The following TASP1 variants were observed in gnomAD, a reference collection of about 807,000 sequenced individuals.
TASP1 encodes the protein taspase 1.
In TASP1, 16 loss-of-function variants were observed where a neutral mutation model predicts 56.6. The observed-to-expected ratio is 0.28, with a 90% CI of 0.19 to 0.43. TASP1 has a LOEUF of 0.43. Among genes scored for constraint, TASP1 ranks in the 20% least tolerant of loss-of-function variants. TASP1 has a pLI of 1.00. For missense variants in TASP1, 393 were observed against 511.6 expected, an observed-to-expected ratio of 0.77 and a Z score of 2.24; for synonymous variants, 179 against 184.2, an observed-to-expected ratio of 0.97 and a Z score of 0.23.
chr20:13,131,132 G>GA, the TASP1 span, among the ~76,000 whole-genome samples: 86,768 of 151,942 alleles, frequency 0.57, 25,038 homozygotes, highest in African/African-American at 0.65. Context: ...CGACTCCCCT[G>GA]AGAAAGCATT....
intron 13 of TASP1, among the ~76,000 whole-genome samples, chr20:13,397,721 G>A (rs924881896): frequency 1.3e-5 from 2 of 152,222 alleles, no homozygotes; most frequent in African/African-American, 4.8e-5. Context: ...CAACTCTGCT[G>A]TTGATAGATT....
At chr20:13,325,361 G>A in the TASP1 span, among the ~76,000 whole-genome samples, 3 of 152,158 alleles carry the variant, frequency 2.0e-5, no homozygotes, top group Non-Finnish European at 2.9e-5. Flanking sequence ...TATTTGTTTC[G>A]AACTCCTGCA....
chr20:13,179,600 A>G, the TASP1 span, among the ~76,000 whole-genome samples: 2 of 152,142 alleles, frequency 1.3e-5, no homozygotes, highest in Non-Finnish European at 2.9e-5. Flanking sequence ...AATGGTCAAG[A>G]CTGCTTAGAG....
intron 7 of TASP1, among the ~76,000 whole-genome samples, chr20:13,562,799 T>C (rs2046385291): frequency 6.6e-6 from 1 of 150,672 alleles, no homozygotes; most frequent in Non-Finnish European, 1.5e-5. Flanking sequence ...ATCATCTTAG[T>C]CTGGGCAGTC....
At chr20:13,510,477 A>T (rs2044288564) in intron 10 of TASP1, among the ~76,000 whole-genome samples, 1 of 152,232 alleles carries the variant, frequency 6.6e-6, no homozygotes, top group Non-Finnish European at 1.5e-5. Flanking sequence ...TGATTTTTCA[A>T]AACAAAAACA....
intron 13 of TASP1, among the ~76,000 whole-genome samples, chr20:13,407,882 G>C (rs1436561239): frequency 6.6e-6 from 1 of 152,030 alleles, no homozygotes; most frequent in Non-Finnish European, 1.5e-5. Flanking sequence ...ATCGTCTTTA[G>C]AAAAATGTCT....
chr20:13,626,137 C>G (rs1007461841), intron 2 of TASP1, among the ~76,000 whole-genome samples: 1 of 152,140 alleles, frequency 6.6e-6, no homozygotes, highest in Non-Finnish European at 1.5e-5. Context: ...AAGAAATACA[C>G]CTCTAGGCCA....
chr20:13,390,620 C>T (rs964237783), intron 13 of TASP1, among the ~76,000 whole-genome samples, 168 bp from the exon 14 acceptor site: 1 of 152,140 alleles, frequency 6.6e-6, no homozygotes, highest in Non-Finnish European at 1.5e-5. Context: ...ACTGAAAGAT[C>T]GTTTGTTCAA....
intron 11 of TASP1, among the ~76,000 whole-genome samples, chr20:13,445,081 G>T (rs1215578609): frequency 6.6e-6 from 1 of 152,104 alleles, no homozygotes. Flanking sequence ...AAGATAGGAA[G>T]AGTCACCTTA....
At chr20:13,544,319 A>G (rs1393400957) in intron 8 of TASP1, among the ~76,000 whole-genome samples, 1 of 152,124 alleles carries the variant, frequency 6.6e-6, no homozygotes, top group Non-Finnish European at 1.5e-5. Context: ...TTTTACTCCA[A>G]AGTTTCTTGA....
chr20:13,151,682 G>A, the TASP1 span, among the ~76,000 whole-genome samples: 4 of 152,358 alleles, frequency 2.6e-5, no homozygotes, highest in East Asian at 5.8e-4. Context: ...TGTCACAGAA[G>A]TGAAGTTCAT....
chr20:13,238,782 TC>T, the TASP1 span, among the ~76,000 whole-genome samples: 1 of 152,152 alleles, frequency 6.6e-6, no homozygotes, highest in Non-Finnish European at 1.5e-5. Context: ...TCCAGAATAA[TC>T]CTTTCAGGTT....
the TASP1 span, among the ~76,000 whole-genome samples, chr20:13,195,075 GA>G: frequency 6.6e-6 from 1 of 152,016 alleles, no homozygotes; most frequent in African/African-American, 2.4e-5. Flanking sequence ...TATAACATAC[GA>G]ATGGTAAAAC....
At chr20:13,396,767 T>C (rs1161824307) in intron 13 of TASP1, among the ~76,000 whole-genome samples, 2 of 152,216 alleles carry the variant, frequency 1.3e-5, no homozygotes, top group African/African-American at 4.8e-5. Context: ...GTGTCGCTCA[T>C]ACCTCATTCT....
chr20:13,470,909 T>C (rs1476847512), intron 11 of TASP1, among the ~76,000 whole-genome samples: 1 of 152,208 alleles, frequency 6.6e-6, no homozygotes, highest in Non-Finnish European at 1.5e-5. Flanking sequence ...ATTGCAATCC[T>C]TTCAGTTATG....
At chr20:13,153,193 C>G in the TASP1 span, among the ~76,000 whole-genome samples, 1 of 152,228 alleles carries the variant, frequency 6.6e-6, no homozygotes, top group East Asian at 1.9e-4. Flanking sequence ...TGTTTTGAAG[C>G]AGGACCCGAG....
At chr20:13,223,222 C>T in the TASP1 span, among the ~76,000 whole-genome samples, 1 of 150,878 alleles carries the variant, frequency 6.6e-6, no homozygotes, top group Non-Finnish European at 1.5e-5. Context: ...ATGAAATAAG[C>T]ATTATTCATT....
intron 7 of TASP1, among the ~76,000 whole-genome samples, chr20:13,565,833 A>G (rs2046508603): frequency 6.6e-6 from 1 of 152,180 alleles, no homozygotes; most frequent in African/African-American, 2.4e-5. Context: ...GTGATCCAGC[A>G]ATTCCATTTC....
At chr20:13,572,513 G>A (rs1411401352) in intron 6 of TASP1, among the ~76,000 whole-genome samples, 3 of 151,914 alleles carry the variant, frequency 2.0e-5, no homozygotes, top group African/African-American at 7.3e-5. Context: ...GTGAAACCCT[G>A]TCTTTACCAA....
Sources: allele counts gnomAD v4.1 joint callset (sites outside exome capture counted in the v4.1 genomes callset), GRCh38; gene constraint gnomAD v4.1.1; transcripts MANE v1.5; gene names NCBI Gene and HGNC (gene_info 2026-07-23, HGNC 2026-07-21).